CEP44: variants seen among roughly 807,000 people sequenced by gnomAD.
CEP44 encodes centrosomal protein 44.
In CEP44, 45 loss-of-function variants were observed where a neutral mutation model predicts 46.7. The ratio of observed to expected loss-of-function variants is 0.96; its 90% confidence interval spans 0.76 to 1.24. The LOEUF is 1.24. CEP44 is among the 50% of genes most tolerant of loss of function. The probability of loss-of-function intolerance (pLI) is 0.00; values close to 1 mark genes in which losing one functional copy is unlikely to be tolerated. For synonymous variants in CEP44, 142 were observed against 146.0 expected (o/e 0.97, Z 0.20); for missense variants, 475 against 459.7 (o/e 1.03, Z -0.30).
In CEP44 at chr4:174,317,502, A is replaced by G; in HGVS notation, c.*119A>G. On this transcript the variant is annotated 3_prime_UTR_variant, in exon 12 of 12. Coordinates refer to ENST00000503780, the MANE Select transcript of CEP44 (RefSeq NM_001040157.3). ...TGCAGTTTTTGACAATTTGGATTCC[A>G]TTTGGTATATGAATTTTTGCATTCA... The G allele has an allele frequency of 8.2e-7, 1 of 1,219,900 alleles. No individual in the cohort carries two copies. The highest frequency in any genetic ancestry group is 1.0e-6 in the Non-Finnish European group (1 of 964,478). The allele number at this position is 1,219,900 out of a possible 1,614,324, so 75.6% of individuals were successfully genotyped here.
At position 174,287,824 on chromosome 4, in the gene CEP44, G is replaced by C. The variant is rs1737735702; in HGVS notation, c.-148+3881G>C. On this transcript the variant is annotated intron_variant, in intron 1 of 11. Transcript: ENST00000503780. This position sits in a 1 kb window ranked among gnomAD's most constrained non-coding sequence, Gnocchi z 5.1. ...ACCTTTTTGTTTCTATAATTTCATG[G>C]TAAGAAAGAAAATGAATTAGGTAGA... 6.6e-6 allele frequency among the ~76,000 whole-genome samples: 1 copy of C among 152,092 alleles called. No homozygotes were observed. Among genetic ancestry groups the C allele is most frequent in the Non-Finnish European group, 1.5e-5 (1 of 67,994 alleles).
At position 174,301,275 on chromosome 4, in the gene CEP44, A is replaced by C. The variant is rs1241054471; in HGVS notation, c.90-764A>C. 6.6e-6 allele frequency among the ~76,000 whole-genome samples: 1 copy of C among 152,188 alleles called. No individual in the cohort carries two copies. Among genetic ancestry groups the C allele is most frequent in the Non-Finnish European group, 1.5e-5 (1 of 68,004 alleles). ...TCCTGTGCTTTGTTGTGGGAAAATCAGTGAAGGTACTTCACATTGAGAAAA... is the reference window on the plus strand; with the variant it reads ...TCCTGTGCTTTGTTGTGGGAAAATCCGTGAAGGTACTTCACATTGAGAAAA... On this transcript the variant is annotated intron_variant, in intron 3 of 11. Coordinates refer to ENST00000503780, the MANE Select transcript of CEP44 (RefSeq NM_001040157.3). This position sits in a 1 kb window ranked among gnomAD's most constrained non-coding sequence, Gnocchi z 4.3.
intron 6 of CEP44, among the ~76,000 whole-genome samples, chr4:174,304,719 A>G (rs1740182452): frequency 6.6e-6 from 1 of 152,240 alleles, no homozygotes; most frequent in Non-Finnish European, 1.5e-5. Flanking sequence ...TGAAGAGCCT[A>G]CATTAGCAGT....
In CEP44 at chr4:174,319,228, T is replaced by C. The variant is rs1742068079; in HGVS notation, c.*1845T>C. On this transcript the variant is annotated 3_prime_UTR_variant, in exon 12 of 12. Coordinates refer to ENST00000503780, the MANE Select transcript of CEP44 (RefSeq NM_001040157.3). The stretch of plus-strand genomic sequence containing the variant: ...ATATTTCCAGAATTAATGAAGCATG[T>C]TAGCTTTAATTTTTTCAATTGTGAG... 1 of 969,426 alleles carries C rather than the reference T, an allele frequency of 1.0e-6. No individual in the cohort carries two copies. The highest frequency in any genetic ancestry group is 6.2e-5 in the Admixed American group (1 of 16,246). 60.1% of individuals were successfully genotyped at this position (969,426 alleles called of 1,614,324 possible).
In CEP44 at chr4:174,310,100, A is replaced by G. The variant is rs74954653; in HGVS notation, c.885+44A>G. On this transcript the variant is annotated intron_variant, in intron 8 of 11. Transcript: ENST00000503780. This position sits in a 1 kb window ranked among gnomAD's most constrained non-coding sequence, Gnocchi z 4.2. ...ATTTATAAAATATCTCAGATATAAC[A>G]AAGTTTTTTTTTGATTGTTATATGT... 7 of 1,551,768 alleles carry G rather than the reference A, an allele frequency of 4.5e-6. No homozygotes were observed. The highest frequency in any genetic ancestry group is 6.1e-6 in the Non-Finnish European group (7 of 1,150,404).
intron 1 of CEP44, among the ~76,000 whole-genome samples, chr4:174,294,579 G>T (rs1458942976): frequency 5.9e-5 from 9 of 151,876 alleles, no homozygotes; most frequent in African/African-American, 2.2e-4. Context: ...AGACGGGGTG[G>T]TGGCTGGGCA....
downstream of CEP44, among the ~76,000 whole-genome samples, chr4:174,323,728 C>T (rs902415815): frequency 3.3e-5 from 5 of 152,100 alleles, no homozygotes; most frequent in Admixed American, 1.3e-4. Context: ...GATCCACGTT[C>T]GCAAGATGGT....
At chr4:174,291,325 G>A (rs1293378148) in intron 1 of CEP44, among the ~76,000 whole-genome samples, 1 of 151,266 alleles carries the variant, frequency 6.6e-6, no homozygotes. Flanking sequence ...GTTACTATGG[G>A]GTTTGCATCA....
chr4:174,297,117 A>G lies in CEP44; in HGVS notation c.-147-849A>G, dbSNP rs1304097483. ...ATCTTATAAACAAAATGGATTTCTT[A>G]TAGACAACATGTAGTTAGATCTTAT... On this transcript the variant is annotated intron_variant, in intron 1 of 11. Coordinates refer to ENST00000503780, the MANE Select transcript of CEP44 (RefSeq NM_001040157.3). This position sits in a 1 kb window ranked among gnomAD's most constrained non-coding sequence, Gnocchi z 4.3. Among the ~76,000 whole-genome samples the G allele has an allele frequency of 6.6e-6, 1 of 152,078 alleles. No homozygotes were observed. Among genetic ancestry groups the G allele is most frequent in the Non-Finnish European group, 1.5e-5 (1 of 67,994 alleles).
Position 174,331,378 on chromosome 4 carries a change from A to G in CEP44, c.1087-104A>G. 8.4e-7 allele frequency: 1 copy of G among 1,187,288 alleles called. No homozygotes were observed. The highest frequency in any genetic ancestry group is 1.1e-6 in the Non-Finnish European group (1 of 883,270). The allele number at this position is 1,187,288 out of a possible 1,614,324, so 73.5% of individuals were successfully genotyped here. Reference sequence around the variant, plus strand: ...TTCAGAGTACCTATTATGGAAGAGGAGGAAATATTAATAGCACTCTGACAC... The same window carrying G: ...TTCAGAGTACCTATTATGGAAGAGGGGGAAATATTAATAGCACTCTGACAC... On this transcript the variant is annotated intron_variant, in intron 8 of 8. Coordinates refer to the CEP44 transcript ENST00000426172. The surrounding 1 kb of genome is among the most constrained non-coding windows in gnomAD (Gnocchi z 4.5).
At chr4:174,306,454 C>T (rs1740411730) in intron 6 of CEP44, among the ~76,000 whole-genome samples, 3 of 152,068 alleles carry the variant, frequency 2.0e-5, no homozygotes, top group Admixed American at 2.0e-4. Flanking sequence ...TTTATCAACT[C>T]TTTGCTAATC....
chr4:174,333,373 T>C (rs1731403192), exon 9 of CEP44: 1 of 150,730 alleles, frequency 6.6e-6, no homozygotes, highest in Non-Finnish European at 1.5e-5. Flanking sequence ...AATAAATATG[T>C]CAGCAGGCTT....
chr4:174,299,204 G>T lies in CEP44; in HGVS notation c.83G>T (p.Cys28Phe). 6.2e-7 allele frequency: 1 copy of T among 1,608,252 alleles called. No individual in the cohort carries two copies. The highest frequency in any genetic ancestry group is 8.5e-7 in the Non-Finnish European group (1 of 1,176,340). Residue 28 changes from cysteine to phenylalanine, a missense_variant, in exon 3 of 12, where the codon TGT (cysteine) becomes TTT (phenylalanine). By Grantham distance (205) the Cys-to-Phe change is radical. Coordinates refer to ENST00000503780, the MANE Select transcript of CEP44 (RefSeq NM_001040157.3). ...RLLNYPEEVD[C>F]VGLIKGDPAA... is the part of the protein sequence containing the mutation. ...CTAAATTATCCTGAAGAGGTGGACT[G>T]TGTAGGGTAAGCTATAATATCAAAC...
At chr4:174,333,064 C>T (rs555306549) in exon 9 of CEP44, 2 of 151,932 alleles carry the variant, frequency 1.3e-5, no homozygotes, top group Admixed American at 1.3e-4. Context: ...TTAGATAAGA[C>T]AAGAATTTTA....
In CEP44 at chr4:174,297,651, AGTGTGTGTGT is replaced by A. The variant is rs70947423; in HGVS notation, c.-147-290_-147-281del. ...CTGAGATATAGGAAGAAACTTTATT[AGTGTGTGTGT>A]GTGTGTGTGTGTGTGTGTGTGTGTT... On this transcript the variant is annotated intron_variant, in intron 1 of 11. Coordinates refer to ENST00000503780, the MANE Select transcript of CEP44 (RefSeq NM_001040157.3). The surrounding 1 kb of genome is among the most constrained non-coding windows in gnomAD (Gnocchi z 4.3). Among the ~76,000 whole-genome samples, 1,102 of 149,062 alleles carry A rather than the reference AGTGTGTGTGT, an allele frequency of 7.4e-3. 4 individuals carry two copies. The highest frequency in any genetic ancestry group is 0.011 in the African/African-American group (448 of 40,424).
intron 5 of CEP44, 74 bp downstream of exon 5, chr4:174,303,923 A>C (rs889713372): frequency 2.0e-6 from 2 of 1,025,364 alleles, no homozygotes; most frequent in Non-Finnish European, 2.8e-6. Flanking sequence ...GTATAAAATC[A>C]AAACCCTAGA....
At chr4:174,284,896 T>A (rs1220186053) in intron 1 of CEP44, among the ~76,000 whole-genome samples, 1 of 152,242 alleles carries the variant, frequency 6.6e-6, no homozygotes, top group Non-Finnish European at 1.5e-5. Context: ...TTGACTGTTA[T>A]TAGAGTCAGT....
chr4:174,294,250 C>G (rs865883579), intron 1 of CEP44, among the ~76,000 whole-genome samples: 2 of 151,216 alleles, frequency 1.3e-5, no homozygotes, highest in African/African-American at 2.4e-5. Flanking sequence ...TGACTCTTAA[C>G]GAGCATGCTG....
At position 174,329,242 on chromosome 4, in the gene CEP44, A is replaced by G. The variant is rs985702799; in HGVS notation, c.1087-2240A>G. ...TTGAGATTACAGGTATGAGCCACCA[A>G]GCTGGCCCTATACTTTTCCATTTTA... On this transcript the variant is annotated intron_variant, in intron 8 of 8. Coordinates refer to the CEP44 transcript ENST00000426172. This position sits in a 1 kb window ranked among gnomAD's most constrained non-coding sequence, Gnocchi z 4.0. 2.6e-5 allele frequency among the ~76,000 whole-genome samples: 4 copies of G among 152,078 alleles called. No homozygotes were observed. The highest frequency in any genetic ancestry group is 9.7e-5 in the African/African-American group (4 of 41,410).
Sources: allele counts gnomAD v4.1 joint callset (sites outside exome capture counted in the v4.1 genomes callset), GRCh38; gene constraint gnomAD v4.1.1; non-coding constraint Gnocchi (gnomAD v3.1); transcripts MANE v1.5; gene names NCBI Gene and HGNC (gene_info 2026-07-23, HGNC 2026-07-21).